Variants in DMD observed in about 807,000 individuals in gnomAD.
The protein encoded by DMD is dystrophin, also known as mutant dystrophin.
In DMD, 63 loss-of-function variants were observed where a neutral mutation model predicts 330.1. That is an observed-to-expected ratio of 0.19 (90% CI 0.16 to 0.24). DMD has a LOEUF of 0.24. DMD is among the 10% of genes least tolerant of loss of function. The probability of loss-of-function intolerance (pLI) is 1.00; values close to 1 mark genes in which losing one functional copy is unlikely to be tolerated. For synonymous variants in DMD, 1,223 were observed against 959.8 expected, an observed-to-expected ratio of 1.27 and a Z score of -5.07; for missense variants, 3,344 against 2,684.1, an observed-to-expected ratio of 1.25 and a Z score of -5.43.
chrX:32,574,439 T>A (rs1412108657), intron 13 of DMD, among the ~76,000 whole-genome samples: 1 of 112,077 alleles, frequency 8.9e-6, no homozygotes, highest in African/African-American at 3.2e-5. Context: ...AAAACTACTA[T>A]ATCATTAACA....
intron 1 of DMD, among the ~76,000 whole-genome samples, chrX:33,273,642 G>A (rs2053193293): frequency 1.8e-5 from 2 of 112,144 alleles, no homozygotes. Flanking sequence ...CCCACATGAA[G>A]CCATACGCAA....
At chrX:31,478,404 C>T (rs773158439) in intron 58 of DMD, 30 bp from the exon 59 acceptor site, 1 of 1,209,607 alleles carries the variant, frequency 8.3e-7, no homozygotes, top group South Asian at 1.8e-5. Context: ...AGGTTTTAGG[C>T]CACATTCTTT....
intron 44 of DMD, chrX:32,206,631 T>C (rs1056355435): frequency 3.6e-6 from 2 of 560,523 alleles, no homozygotes; most frequent in African/African-American, 4.5e-5. Context: ...AAAAAGGTGG[T>C]TCTCTTCCTA....
intron 41 of DMD, among the ~76,000 whole-genome samples, chrX:32,321,882 G>C (rs1192307004): frequency 9.0e-6 from 1 of 111,560 alleles, no homozygotes; most frequent in Non-Finnish European, 1.9e-5. Flanking sequence ...AGAAGATACG[G>C]AAGGTACATT....
At chrX:33,339,388 C>T (rs2148970596) in exon 1 of DMD, 1 of 791,729 alleles carries the variant, frequency 1.3e-6, no homozygotes, top group Non-Finnish European at 1.8e-6. Flanking sequence ...CTATTACTGC[C>T]GACTGCTGGG....
In DMD at chrX:31,268,308, A is replaced by G. The variant is rs2051342224; in HGVS notation, c.9225-7292T>C. ...ATGGCAAAAGAGGCAAAAATAAAGT[A>G]TCTGGACAAAAGCAAAAGGGAATGC... On this transcript the variant is annotated intron_variant, in intron 62 of 78. Transcript: ENST00000357033. 2.7e-5 allele frequency among the ~76,000 whole-genome samples: 3 copies of G among 113,002 alleles called. No individual in the cohort carries two copies. In the South Asian group the frequency reaches 1.1e-3, roughly 41 times the overall value.
intron 29 of DMD, among the ~76,000 whole-genome samples, chrX:32,426,282 T>G (rs981628727): frequency 3.6e-5 from 4 of 111,647 alleles, no homozygotes; most frequent in African/African-American, 1.3e-4. Flanking sequence ...TTAAACAAAT[T>G]TATTTTAAAA....
At chrX:31,269,300 A>G (rs756649247) in intron 62 of DMD, among the ~76,000 whole-genome samples, 2 of 111,607 alleles carry the variant, frequency 1.8e-5, no homozygotes, top group Non-Finnish European at 3.8e-5. Flanking sequence ...GTATGATAAT[A>G]TATTGTTTGT....
At chrX:32,157,894 C>A (rs2096835999) in intron 44 of DMD, among the ~76,000 whole-genome samples, 1 of 111,865 alleles carries the variant, frequency 8.9e-6, no homozygotes, top group South Asian at 3.7e-4. Context: ...CTAAACATTG[C>A]TCAGACCTGC....
At chrX:32,427,133 C>T (rs2098216480) in intron 29 of DMD, among the ~76,000 whole-genome samples, 1 of 111,767 alleles carries the variant, frequency 8.9e-6, no homozygotes, top group East Asian at 2.8e-4. Flanking sequence ...CTGTTGAGAC[C>T]ATCTTTCAGA....
intron 67 of DMD, among the ~76,000 whole-genome samples, chrX:31,193,734 G>T (rs1389657934): frequency 9.0e-6 from 1 of 111,469 alleles, no homozygotes; most frequent in Non-Finnish European, 1.9e-5. Context: ...ATGTTATTTT[G>T]TTCCTCCAGA....
At chrX:31,541,458 A>G in intron 55 of DMD, among the ~76,000 whole-genome samples, 1 of 107,570 alleles carries the variant, frequency 9.3e-6, no homozygotes, top group East Asian at 3.0e-4. Context: ...CATTTACATT[A>G]GGTATATCTC....
At chrX:32,941,915 A>G (rs1431036810) in intron 2 of DMD, among the ~76,000 whole-genome samples, 1 of 112,026 alleles carries the variant, frequency 8.9e-6, no homozygotes, top group Non-Finnish European at 1.9e-5. Context: ...CTTGAAGTCC[A>G]GCTTTACAAC....
At chrX:32,298,244 G>A (rs1369903678) in intron 42 of DMD, among the ~76,000 whole-genome samples, 2 of 111,113 alleles carry the variant, frequency 1.8e-5, no homozygotes, top group Non-Finnish European at 3.8e-5. Flanking sequence ...CCATGCTGGA[G>A]ATGATGGTGC....
intron 21 of DMD, among the ~76,000 whole-genome samples, chrX:32,482,222 A>G (rs1368437193): frequency 9.0e-6 from 1 of 111,515 alleles, no homozygotes; most frequent in African/African-American, 3.3e-5. Flanking sequence ...CTGTGTTTCT[A>G]TATTCATCTA....
upstream of DMD, among the ~76,000 whole-genome samples, chrX:33,215,728 A>G (rs1337426899): frequency 8.9e-6 from 1 of 111,831 alleles, no homozygotes; most frequent in East Asian, 2.8e-4. Context: ...TCCAATTTCA[A>G]TCTTCTGCAT....
Position 31,178,745 on chromosome X carries a change from T to C in DMD, c.10147A>G (p.Lys3383Glu). 2 of 1,211,489 alleles carry C rather than the reference T, an allele frequency of 1.7e-6. No individual in the cohort carries two copies. The highest frequency in any genetic ancestry group is 2.2e-6 in the Non-Finnish European group (2 of 895,101). Residue 3383 changes from lysine (K) to glutamate (E), a missense_variant, in exon 70 of 79, where the codon AAA becomes GAA. Physicochemically the swap from Lys to Glu is moderately conservative, Grantham distance 56. Coordinates refer to ENST00000357033, the MANE Select transcript of DMD (RefSeq NM_004006.3). ...CGGGGATGCTTCGCAAAATACCTTT[T>C]GGTTCGAAATTTGTTTTTTAGTACC... ...AKVLKNKFRTKRYFAKHPRMG... is the reference protein window; with the variant it reads ...AKVLKNKFRTERYFAKHPRMG...
intron 44 of DMD, among the ~76,000 whole-genome samples, chrX:32,061,747 T>C (rs2096226796): frequency 9.0e-6 from 1 of 111,282 alleles, no homozygotes; most frequent in African/African-American, 3.3e-5. Context: ...ATTTGCCACC[T>C]TTGGTCAAAT....
chrX:32,797,527 G>C (rs907433818), intron 7 of DMD, among the ~76,000 whole-genome samples: 1 of 112,178 alleles, frequency 8.9e-6, no homozygotes, highest in Non-Finnish European at 1.9e-5. Context: ...ATCAACTATA[G>C]AACACTTTTC....
Sources: gnomAD v4.1 joint callset for allele counts (sites outside exome capture counted in the v4.1 genomes callset) on GRCh38, gnomAD v4.1.1 for gene constraint, MANE v1.5 for transcripts, NCBI Gene and HGNC (gene_info 2026-07-23, HGNC 2026-07-21) for gene names.